MAP3K15: variants seen among roughly 807,000 people sequenced by gnomAD.
The protein encoded by MAP3K15 is MAPK/ERK kinase kinase 15.
Under a neutral mutation model 99.5 loss-of-function variants are expected in MAP3K15, and 124 were observed. The observed-to-expected ratio is 1.25, with a 90% CI of 1.08 to 1.45. The LOEUF (loss-of-function observed/expected upper bound fraction) is 1.45, where lower values mean the gene tolerates loss of function less well. Among genes scored for constraint, MAP3K15 ranks in the 40% most tolerant of loss-of-function variants. The pLI, the probability that MAP3K15 is intolerant of heterozygous loss-of-function variation, is 0.00. For missense variants in MAP3K15, 1,242 were observed against 1,079.7 expected, an observed-to-expected ratio of 1.15 and a Z score of -2.11; for synonymous variants, 494 against 439.6, an observed-to-expected ratio of 1.12 and a Z score of -1.55.
chrX:19,399,391 C>T (rs1005535594), intron 14 of MAP3K15, among the ~76,000 whole-genome samples: 19 of 111,351 alleles, frequency 1.7e-4, no homozygotes, highest in Non-Finnish European at 7.5e-5. Context: ...GGTGAAATCC[C>T]GTTTCTACTA....
In MAP3K15 at chrX:19,435,553, C is replaced by G. The variant is rs183683564; in HGVS notation, c.996-3945G>C. On this transcript the variant is annotated intron_variant, in intron 6 of 28. Transcript: ENST00000338883. ...TAACTTGAAATTTACCCTTGTTACT[C>G]AAAACAAAAAGTCTTTTGAGTATAA... Among the ~76,000 whole-genome samples, 288 of 111,645 alleles carry G rather than the reference C, an allele frequency of 2.6e-3. 1 individual carries two copies. Among genetic ancestry groups the G allele is most frequent in the African/African-American group, 8.9e-3 (273 of 30,762 alleles).
chrX:19,438,143 G>A (rs1321983815), intron 6 of MAP3K15, among the ~76,000 whole-genome samples: 2 of 111,738 alleles, frequency 1.8e-5, no homozygotes, highest in East Asian at 5.6e-4. Flanking sequence ...GTCTTGCTCT[G>A]TTGCCCAAGT....
chrX:19,495,007 G>A (rs186835821), intron 1 of MAP3K15, among the ~76,000 whole-genome samples: 1 of 111,374 alleles, frequency 9.0e-6, no homozygotes, highest in Admixed American at 9.6e-5. Context: ...AGAAAGTTGT[G>A]AAGTGTTTTG....
chrX:19,500,508 C>G (rs1291962154), intron 1 of MAP3K15, among the ~76,000 whole-genome samples: 1 of 110,814 alleles, frequency 9.0e-6, no homozygotes, highest in Non-Finnish European at 1.9e-5. Context: ...GCCACAAACC[C>G]CAATTCCTGA....
At chrX:19,383,063 C>A (rs1039726132) in intron 18 of MAP3K15, among the ~76,000 whole-genome samples, 3 of 111,094 alleles carry the variant, frequency 2.7e-5, no homozygotes, top group African/African-American at 9.8e-5. Flanking sequence ...CTGTGTGTCA[C>A]CCCGTACTTC....
Position 19,392,396 on chromosome X carries a change from G to A in MAP3K15, c.2272C>T (p.Leu758=). 2 of 1,210,063 alleles carry A rather than the reference G, an allele frequency of 1.7e-6. No homozygotes were observed. The highest frequency in any genetic ancestry group is 2.2e-6 in the Non-Finnish European group (2 of 894,169). Residue 758 remains leucine, a synonymous_variant, in exon 17 of 29, where the codon CTG becomes TTG. Coordinates refer to ENST00000338883, the MANE Select transcript of MAP3K15 (RefSeq NM_001001671.4). ...PTIKFYTKQI[L]EGLKYLHENQ... ...TCATGAAGATACTTAAGGCCCTCCA[G>A]GATCTGTTTGGTGTAAAACTTGATT... is the stretch of plus-strand genomic sequence containing the variant.
chrX:19,492,092 T>C (rs1257198354), intron 1 of MAP3K15, among the ~76,000 whole-genome samples: 1 of 109,757 alleles, frequency 9.1e-6, no homozygotes, highest in Non-Finnish European at 1.9e-5. Flanking sequence ...CTTAGAGTGC[T>C]AGGATTACAG....
chrX:19,382,816 G>A (rs747228001), intron 18 of MAP3K15, among the ~76,000 whole-genome samples: 1 of 112,026 alleles, frequency 8.9e-6, no homozygotes, highest in East Asian at 2.8e-4. Context: ...GCCTTCTAAC[G>A]AATCCCTAAT....
intron 1 of MAP3K15, among the ~76,000 whole-genome samples, chrX:19,509,361 A>G (rs754328239): frequency 3.6e-4 from 40 of 112,086 alleles, no homozygotes; most frequent in Non-Finnish European, 5.6e-4. Flanking sequence ...CACACTCCTC[A>G]GCAAATGCAA....
At chrX:19,465,689 G>C (rs901937965) in intron 3 of MAP3K15, among the ~76,000 whole-genome samples, 1 of 110,587 alleles carries the variant, frequency 9.0e-6, no homozygotes, top group Non-Finnish European at 1.9e-5. Context: ...AGGAGGCGGA[G>C]GTTGCATTGA....
At chrX:19,481,368 C>CA (rs1173517705) in intron 3 of MAP3K15, among the ~76,000 whole-genome samples, 4 of 107,968 alleles carry the variant, frequency 3.7e-5, no homozygotes, top group South Asian at 8.0e-4. Context: ...TCACACCAGA[C>CA]AAAAAAATTA....
chrX:19,464,510 A>G, intron 3 of MAP3K15, 104 bp from the exon 4 acceptor site: 1 of 576,347 alleles, frequency 1.7e-6, no homozygotes, highest in Non-Finnish European at 2.7e-6. Flanking sequence ...ATACTTGAGG[A>G]TGAAAACAAT....
chrX:19,412,189 C>T (rs2063694243), intron 11 of MAP3K15, among the ~76,000 whole-genome samples: 1 of 112,013 alleles, frequency 8.9e-6, no homozygotes, highest in Non-Finnish European at 1.9e-5. Flanking sequence ...AAAGACTTCC[C>T]CAATGGCAGG....
intron 25 of MAP3K15, among the ~76,000 whole-genome samples, chrX:19,366,600 G>A (rs112603274): frequency 0.051 from 5,734 of 111,351 alleles, 144 homozygotes; most frequent in Non-Finnish European, 0.077. Context: ...AACCCCTTCC[G>A]CCTGGTTCTT....
At chrX:19,461,201 G>A (rs766804650) in intron 4 of MAP3K15, among the ~76,000 whole-genome samples, 3 of 111,658 alleles carry the variant, frequency 2.7e-5, no homozygotes, top group South Asian at 3.7e-4. Context: ...GGATGGTCTC[G>A]ATCTCCTGAC....
intron 18 of MAP3K15, among the ~76,000 whole-genome samples, chrX:19,387,119 C>A (rs777594400): frequency 1.8e-5 from 2 of 112,053 alleles, no homozygotes; most frequent in Admixed American, 9.4e-5. Flanking sequence ...AAAGGTGGCG[C>A]CACTTGTTCC....
intron 3 of MAP3K15, among the ~76,000 whole-genome samples, chrX:19,479,275 T>C (rs867226204): frequency 9.0e-6 from 1 of 111,176 alleles, no homozygotes; most frequent in Non-Finnish European, 1.9e-5. Context: ...GAGTATCTCA[T>C]CCAAGCTACA....
intron 6 of MAP3K15, among the ~76,000 whole-genome samples, chrX:19,441,700 C>T (rs1249307623): frequency 8.9e-6 from 1 of 111,883 alleles, no homozygotes; most frequent in Non-Finnish European, 1.9e-5. Context: ...TCAAGCCATC[C>T]GCCTGCCTTG....
At chrX:19,440,331 G>A (rs1246504998) in intron 6 of MAP3K15, among the ~76,000 whole-genome samples, 1 of 112,126 alleles carries the variant, frequency 8.9e-6, no homozygotes, top group Non-Finnish European at 1.9e-5. Flanking sequence ...TTTGTTTCCC[G>A]ATTGGACCCT....
Sources: gnomAD v4.1 joint callset for allele counts (sites outside exome capture counted in the v4.1 genomes callset) on GRCh38, gnomAD v4.1.1 for gene constraint, MANE v1.5 for transcripts, NCBI Gene and HGNC (gene_info 2026-07-23, HGNC 2026-07-21) for gene names.